The following TARBP1 variants were observed in gnomAD, a reference collection of about 807,000 sequenced individuals.
The protein encoded by TARBP1 is tRNA guanosine 2 -O-methyltransferase TARBP1, also known as tRNA (guanosine(18)-2'-O)-methyltransferase TARBP1.
A neutral mutation model predicts 178.6 loss-of-function variants in TARBP1; 144 were observed. The ratio of observed to expected loss-of-function variants is 0.81; its 90% CI spans 0.70 to 0.93. The LOEUF (loss-of-function observed/expected upper bound fraction) is 0.93, where lower values mean the gene tolerates loss of function less well. TARBP1 is among the 40% of genes least tolerant of loss of function. The pLI, the probability that TARBP1 is intolerant of heterozygous loss-of-function variation, is 0.00. For missense variants in TARBP1, 2,067 were observed against 2,011.7 expected, an observed-to-expected ratio of 1.03 and a Z score of -0.53; for synonymous variants, 787 against 781.0, an observed-to-expected ratio of 1.01 and a Z score of -0.13.
chr1:234,398,803 G>A (rs1328825493), intron 25 of TARBP1, among the ~76,000 whole-genome samples: 1 of 152,180 alleles, frequency 6.6e-6, no homozygotes, highest in Non-Finnish European at 1.5e-5. Context: ...CTAACTGTGT[G>A]TAATAAACCA....
chr1:234,446,211 C>G (rs3768285), intron 12 of TARBP1, among the ~76,000 whole-genome samples: 45,740 of 152,088 alleles, frequency 0.3, 7,088 homozygotes, highest in Admixed American at 0.41. Context: ...TGTCACTACT[C>G]TCATCTCTGA....
chr1:234,471,470 A>G (rs1293447037), intron 2 of TARBP1, among the ~76,000 whole-genome samples: 2 of 152,230 alleles, frequency 1.3e-5, no homozygotes, highest in Non-Finnish European at 2.9e-5. Flanking sequence ...TTACAGCTAC[A>G]TTAAAGTCTA....
At chr1:234,418,293 C>T in intron 21 of TARBP1, 60 bp from the exon 22 acceptor site, 1 of 1,419,948 alleles carries the variant, frequency 7.0e-7, no homozygotes, top group Non-Finnish European at 9.4e-7. Flanking sequence ...TAAAAATAGT[C>T]TCCATTTAAA....
At chr1:234,394,225 T>C (rs140513703) in intron 26 of TARBP1, among the ~76,000 whole-genome samples, 6 of 152,328 alleles carry the variant, frequency 3.9e-5, no homozygotes, top group African/African-American at 7.2e-5. Context: ...GTATATTAGA[T>C]TGGGATTTTC....
rs918005343 is a variant in TARBP1, at chr1:234,416,582, C to T, written c.3705+1502G>A. Among the ~76,000 whole-genome samples the T allele has an allele frequency of 6.6e-5, 10 of 152,248 alleles. No homozygotes were observed. In the East Asian group the frequency reaches 1.7e-3, roughly 26 times the overall value. ...AAACTGTTGGGATTATAGGCATGAG[C>T]CGCCACTCCTGGCCAAAGCATTGTC... On this transcript the variant is annotated intron_variant, in intron 22 of 29. Coordinates refer to ENST00000040877, the MANE Select transcript of TARBP1 (RefSeq NM_005646.4).
chr1:234,478,845 T>C lies in TARBP1; in HGVS notation c.259A>G (p.Ser87Gly). 8.1e-7 allele frequency: 1 copy of C among 1,228,650 alleles called. No individual in the cohort carries two copies. Among genetic ancestry groups the C allele is most frequent in the Non-Finnish European group, 1.0e-6 (1 of 987,608 alleles). The allele number at this position is 1,228,650 out of a possible 1,614,324, so 76.1% of individuals were successfully genotyped here. The change falls in exon 1 of 30, where the codon AGT becomes GGT. Residue 87 changes from serine to glycine, a missense_variant. Physicochemically the swap from Ser to Gly is moderately conservative, Grantham distance 56. Coordinates refer to ENST00000040877, the MANE Select transcript of TARBP1 (RefSeq NM_005646.4). Reference protein sequence around the residue: ...RGRPAGGPDPSLQPRHRRRVL... With the variant: ...RGRPAGGPDPGLQPRHRRRVL... ...CGCCGGCGGTGGCGAGGCTGCAGACTGGGGTCCGGGCCGCCCGCGGGGCGT... is the reference window on the plus strand; with the variant it reads ...CGCCGGCGGTGGCGAGGCTGCAGACCGGGGTCCGGGCCGCCCGCGGGGCGT...
chr1:234,460,087 T>C (rs1667695145), intron 7 of TARBP1, among the ~76,000 whole-genome samples, 174 bp downstream of exon 7: 1 of 152,228 alleles, frequency 6.6e-6, no homozygotes, highest in South Asian at 2.1e-4. Context: ...TAAGTTCAAC[T>C]ATACGAATAA....
chr1:234,424,422 GAATA>G (rs1663474051), intron 20 of TARBP1, among the ~76,000 whole-genome samples: 1 of 152,098 alleles, frequency 6.6e-6, no homozygotes, highest in African/African-American at 2.4e-5. Context: ...GTTTTTATCT[GAATA>G]AATAACGAAT....
chr1:234,434,265 G>C (rs1447677083), intron 13 of TARBP1, among the ~76,000 whole-genome samples: 1 of 151,970 alleles, frequency 6.6e-6, no homozygotes, highest in Non-Finnish European at 1.5e-5. Context: ...TCCATCACAG[G>C]GTTTCTGAAG....
rs1377570206 is a variant in TARBP1, at chr1:234,427,363, T to C, written c.3277A>G (p.Ile1093Val). ...GCACAGTCATGTCCAAGGTTTTCTATGAAGGTCTGTACATCCTGAACAAGT... is the reference window on the plus strand; with the variant it reads ...GCACAGTCATGTCCAAGGTTTTCTACGAAGGTCTGTACATCCTGAACAAGT... ...QRLVQDVQTF[I>V]ENLGHDCAAN... The change falls in exon 19 of 30, where the codon ATA becomes GTA. Residue 1093 changes from isoleucine (I) to valine (V), a missense_variant. Ile to Val is a conservative substitution (Grantham distance 29, BLOSUM62 3). Transcript: ENST00000040877. The C allele has an allele frequency of 1.2e-6, 2 of 1,612,388 alleles. No individual in the cohort carries two copies. The highest frequency in any genetic ancestry group is 2.2e-5 in the East Asian group (1 of 44,778).
In TARBP1 at chr1:234,418,094, C is replaced by T. The variant is rs1402674471; in HGVS notation, c.3695G>A (p.Cys1232Tyr). 1 of 1,360,932 alleles carries T rather than the reference C, an allele frequency of 7.3e-7. No homozygotes were observed. 84.3% of individuals were successfully genotyped at this position (1,360,932 alleles called of 1,614,324 possible). A position where few individuals can be genotyped will look rare whatever the true frequency, so the allele number is the denominator to read the frequency against. ...ATATTCTTTACTTACATAAGAAAAA[C>T]AATCCCAGAACTTTGGAAGAAATTG... ...FPQFLPKFWD[C>Y]FSYGEENLKT... The change falls in exon 22 of 30, where the codon TGT becomes TAT. Residue 1232 changes from cysteine (C) to tyrosine (Y), a missense_variant. Transcript: ENST00000040877.
At chr1:234,450,734 C>CA (rs1229239542) in intron 9 of TARBP1, among the ~76,000 whole-genome samples, 168 bp from the exon 10 acceptor site, 1 of 150,832 alleles carries the variant, frequency 6.6e-6, no homozygotes, top group Non-Finnish European at 1.5e-5. Flanking sequence ...ACAGTAAAAA[C>CA]AAAAAAACTA....
chr1:234,460,761 A>G (rs1667775259), intron 6 of TARBP1, among the ~76,000 whole-genome samples: 1 of 152,244 alleles, frequency 6.6e-6, no homozygotes, highest in South Asian at 2.1e-4. Flanking sequence ...TAACAGCATT[A>G]CTCAAATAGT....
chr1:234,395,011 G>A (rs1167937529), intron 26 of TARBP1, among the ~76,000 whole-genome samples: 4 of 151,750 alleles, frequency 2.6e-5, no homozygotes, highest in Non-Finnish European at 4.4e-5. Flanking sequence ...ATCACCTGAG[G>A]TCAGGAGTTT....
chr1:234,424,233 G>A (rs1007838696), intron 20 of TARBP1, among the ~76,000 whole-genome samples: 1 of 152,140 alleles, frequency 6.6e-6, no homozygotes, highest in Admixed American at 6.6e-5. Flanking sequence ...CGCTGACCTC[G>A]GCTTTAAATG....
In TARBP1 at chr1:234,478,949, C is replaced by G; in HGVS notation, c.155G>C (p.Gly52Ala). The change falls in exon 1 of 30, where the codon GGG (glycine) becomes GCG (alanine). Residue 52 changes from glycine to alanine, a missense_variant. Physicochemically the swap from Gly to Ala is moderately conservative, Grantham distance 60. Transcript: ENST00000040877. ...RLEDEEARGSGGAGALPEAAR... is the reference protein window; with the variant it reads ...RLEDEEARGSAGAGALPEAAR... ...CGCCTCCGGGAGCGCGCCTGCGCCC[C>G]CGCTGCCGCGCGCCTCCTCGTCCTC... The G allele has an allele frequency of 6.9e-7, 1 of 1,455,048 alleles. No homozygotes were observed. Among genetic ancestry groups the G allele is most frequent in the East Asian group, 3.0e-5 (1 of 33,044 alleles). 90.1% of individuals were successfully genotyped at this position (1,455,048 alleles called of 1,614,324 possible).
At chr1:234,402,833 A>G (rs1660835525) in intron 24 of TARBP1, among the ~76,000 whole-genome samples, 1 of 151,910 alleles carries the variant, frequency 6.6e-6, no homozygotes, top group Non-Finnish European at 1.5e-5. Flanking sequence ...CAATCCACTC[A>G]CCTCGGCCTC....
chr1:234,421,708 C>A (rs974940001), intron 20 of TARBP1, among the ~76,000 whole-genome samples: 1 of 152,196 alleles, frequency 6.6e-6, no homozygotes, highest in Non-Finnish European at 1.5e-5. Context: ...TGGCTTGTGC[C>A]GCCTAAATTC....
chr1:234,437,497 A>G, intron 12 of TARBP1, 125 bp from the exon 13 acceptor site: 1 of 514,934 alleles, frequency 1.9e-6, no homozygotes. Flanking sequence ...ATAAATTGCA[A>G]TAATATAATA....
Sources: allele counts gnomAD v4.1 joint callset (sites outside exome capture counted in the v4.1 genomes callset), GRCh38; gene constraint gnomAD v4.1.1; transcripts MANE v1.5; gene names NCBI Gene and HGNC (gene_info 2026-07-23, HGNC 2026-07-21).